RPS6KA5: variants seen among roughly 807,000 people sequenced by gnomAD.
RPS6KA5 encodes the protein ribosomal protein S6 kinase A5.
Under a neutral mutation model 85.5 loss-of-function variants are expected in RPS6KA5, and 27 were observed. The observed-to-expected ratio is 0.32, with a 90% CI of 0.23 to 0.44. The LOEUF (loss-of-function observed/expected upper bound fraction) is 0.44, where lower values mean the gene tolerates loss of function less well. RPS6KA5 is among the 20% of genes least tolerant of loss of function. RPS6KA5 has a pLI of 1.00. For synonymous variants in RPS6KA5, 334 were observed against 348.2 expected, an observed-to-expected ratio of 0.96 and a Z score of 0.46; for missense variants, 811 against 980.9, an observed-to-expected ratio of 0.83 and a Z score of 2.31.
intron 15 of RPS6KA5, among the ~76,000 whole-genome samples, chr14:90,874,110 T>A (rs2033298971): frequency 6.6e-6 from 1 of 152,208 alleles, no homozygotes. Flanking sequence ...AGCACACAGA[T>A]CTACTTCATC....
chr14:90,931,000 A>T (rs980940471), intron 5 of RPS6KA5, among the ~76,000 whole-genome samples: 4 of 152,220 alleles, frequency 2.6e-5, no homozygotes, highest in African/African-American at 9.6e-5. Flanking sequence ...AAAAATTAAA[A>T]GTAGAACTAC....
intron 7 of RPS6KA5, chr14:90,911,506 T>C (rs2035814931): frequency 6.6e-6 from 1 of 152,228 alleles, no homozygotes; most frequent in Non-Finnish European, 1.5e-5. Context: ...GTCCCAGAAT[T>C]ATAAAATTAT....
chr14:91,030,774 A>G (rs2139837605), intron 1 of RPS6KA5, among the ~76,000 whole-genome samples: 1 of 152,172 alleles, frequency 6.6e-6, no homozygotes, highest in South Asian at 2.1e-4. Context: ...ATAAAACAAA[A>G]AATCAAGCTC....
chr14:91,024,790 A>G (rs1321042439), intron 1 of RPS6KA5, among the ~76,000 whole-genome samples: 1 of 152,028 alleles, frequency 6.6e-6, no homozygotes, highest in Non-Finnish European at 1.5e-5. Flanking sequence ...TTTGGCACAT[A>G]TTGCTGACAT....
rs750154646 is a variant in RPS6KA5 at position 90,865,440 on chromosome 14, T to C, written c.*6634A>G. The C allele has an allele frequency of 5.9e-5, 9 of 152,216 alleles. No individual in the cohort carries two copies. Among genetic ancestry groups the C allele is most frequent in the African/African-American group, 1.7e-4 (7 of 41,448 alleles). The allele number at this position is 152,216 out of a possible 1,614,324, so 9.4% of individuals were successfully genotyped here. A position where few individuals can be genotyped will look rare whatever the true frequency, so the allele number is the denominator to read the frequency against. ...CCTATAGACTGGATAATTCCATGTATAGGAATGTCAACAACAGTGACAGAG... is the reference window on the plus strand; with the variant it reads ...CCTATAGACTGGATAATTCCATGTACAGGAATGTCAACAACAGTGACAGAG... On this transcript the variant is annotated 3_prime_UTR_variant, in exon 17 of 17. Coordinates refer to ENST00000614987, the MANE Select transcript of RPS6KA5 (RefSeq NM_004755.4).
chr14:90,987,323 CTT>C (rs1309640654), intron 2 of RPS6KA5, among the ~76,000 whole-genome samples: 1 of 152,030 alleles, frequency 6.6e-6, no homozygotes, highest in Non-Finnish European at 1.5e-5. Context: ...TTAAAACACT[CTT>C]TTAAATGACT....
intron 12 of RPS6KA5, among the ~76,000 whole-genome samples, chr14:90,895,359 A>G (rs1055361745): frequency 6.6e-6 from 1 of 152,076 alleles, no homozygotes; most frequent in South Asian, 2.1e-4. Flanking sequence ...ATTAAAACAT[A>G]AAAGTTTAAA....
At chr14:90,942,433 T>C (rs916707043) in intron 5 of RPS6KA5, among the ~76,000 whole-genome samples, 1 of 152,220 alleles carries the variant, frequency 6.6e-6, no homozygotes, top group African/African-American at 2.4e-5. Context: ...GTAACTTCTA[T>C]TACAACCATT....
chr14:90,883,387 C>G (rs373305271), intron 14 of RPS6KA5, among the ~76,000 whole-genome samples: 1 of 152,126 alleles, frequency 6.6e-6, no homozygotes, highest in Non-Finnish European at 1.5e-5. Flanking sequence ...TCACTGATTC[C>G]TTCTTCTGCC....
intron 14 of RPS6KA5, among the ~76,000 whole-genome samples, chr14:90,889,184 C>T (rs2034407263): frequency 4.0e-5 from 6 of 151,474 alleles, no homozygotes; most frequent in Admixed American, 3.3e-4. Flanking sequence ...ATCCCAGCTA[C>T]TCAGGAGGCT....
chr14:91,060,464 G>A lies in RPS6KA5; in HGVS notation c.-30C>T, dbSNP rs375495496. The stretch of plus-strand genomic sequence containing the variant: ...TCCTTTTTTTCCGATCCCGCGGGTC[G>A]CTACGAGGGGAACCCAGGAGACAGC... On this transcript the variant is annotated 5_prime_UTR_variant, in exon 1 of 17. Transcript: ENST00000614987. 2.1e-6 allele frequency: 3 copies of A among 1,399,118 alleles called. No homozygotes were observed. The highest frequency in any genetic ancestry group is 2.5e-5 in the Admixed American group (1 of 40,662). The allele number at this position is 1,399,118 out of a possible 1,614,324, so 86.7% of individuals were successfully genotyped here.
intron 1 of RPS6KA5, chr14:91,060,031 G>T: frequency 1.0e-6 from 1 of 985,268 alleles, no homozygotes; most frequent in Non-Finnish European, 1.2e-6. Context: ...TGCGGGAAGG[G>T]GGAGCAGCGA....
intron 14 of RPS6KA5, among the ~76,000 whole-genome samples, chr14:90,888,382 C>T (rs965953543): frequency 2.0e-5 from 3 of 152,130 alleles, no homozygotes; most frequent in Non-Finnish European, 4.4e-5. Context: ...AAATGAAAGT[C>T]TCTTTTTTAT....
intron 2 of RPS6KA5, among the ~76,000 whole-genome samples, chr14:90,998,631 A>G (rs1416930570): frequency 6.6e-6 from 1 of 152,232 alleles, no homozygotes; most frequent in African/African-American, 2.4e-5. Flanking sequence ...TTTTGAAAGC[A>G]TGATTTCTTA....
At chr14:91,032,734 T>C (rs1355702263) in intron 1 of RPS6KA5, among the ~76,000 whole-genome samples, 1 of 150,796 alleles carries the variant, frequency 6.6e-6, no homozygotes, top group Non-Finnish European at 1.5e-5. Flanking sequence ...CAGAACACTT[T>C]CAAGAAAAGC....
chr14:90,917,322 G>A (rs2140281486), intron 7 of RPS6KA5, among the ~76,000 whole-genome samples: 1 of 152,058 alleles, frequency 6.6e-6, no homozygotes, highest in South Asian at 2.1e-4. Flanking sequence ...TTCCTAGCCT[G>A]TCCTGGAAAA....
At position 91,059,649 on chromosome 14, in the gene RPS6KA5, C is replaced by T. The variant is rs775169058; in HGVS notation, c.103+683G>A. Among the ~76,000 whole-genome samples, 31 of 152,350 alleles carry T rather than the reference C, an allele frequency of 2.0e-4. 1 individual carries two copies. In the Middle Eastern group the frequency reaches 0.014, roughly 67 times the overall value. ...TAGAACGTAAGCGCTGAAGCCTGCT[C>T]GTTAGTTCCTTTTACCTGGAGCTTT... is the stretch of plus-strand genomic sequence containing the variant. On this transcript the variant is annotated intron_variant, in intron 1 of 16. Transcript: ENST00000614987.
intron 1 of RPS6KA5, among the ~76,000 whole-genome samples, chr14:91,004,980 A>AC (rs2040955317): frequency 6.7e-6 from 1 of 149,126 alleles, no homozygotes; most frequent in Non-Finnish European, 1.5e-5. Flanking sequence ...AAAAAAAAAA[A>AC]CAAAAAAACA....
At chr14:90,899,212 TG>T in intron 12 of RPS6KA5, 116 bp downstream of exon 12, 1 of 664,792 alleles carries the variant, frequency 1.5e-6, no homozygotes, top group Non-Finnish European at 2.6e-6. Flanking sequence ...TTCTGGTGGC[TG>T]GGTGATGTTC....
Sources: allele counts gnomAD v4.1 joint callset (sites outside exome capture counted in the v4.1 genomes callset), GRCh38; gene constraint gnomAD v4.1.1; transcripts MANE v1.5; gene names NCBI Gene and HGNC (gene_info 2026-07-23, HGNC 2026-07-21).